Variants in HSH2D observed in about 807,000 individuals in gnomAD.
HSH2D encodes hematopoietic SH2 domain-containing protein.
In HSH2D, 16 loss-of-function variants were observed where a neutral mutation model predicts 21.5. The observed-to-expected ratio is 0.74, with a 90% confidence interval of 0.50 to 1.13. The LOEUF (loss-of-function observed/expected upper bound fraction) is 1.13, where lower values mean the gene tolerates loss of function less well. Ranked by LOEUF, HSH2D falls within the 50% of genes most tolerant of loss-of-function variation. The pLI is 0.00. For missense variants in HSH2D, 418 were observed against 441.4 expected (o/e 0.95, Z 0.47); for synonymous variants, 172 against 184.7 (o/e 0.93, Z 0.56).
intron 1 of HSH2D, among the ~76,000 whole-genome samples, chr19:16,148,204 A>T (rs551131773): frequency 6.1e-4 from 93 of 152,172 alleles, no homozygotes; most frequent in South Asian, 1.0e-3. Flanking sequence ...GCTGGAGCAC[A>T]GTGGCATGAT....
intron 1 of HSH2D, among the ~76,000 whole-genome samples, chr19:16,137,576 CAAAA>C (rs78977060): frequency 2.0e-5 from 2 of 102,462 alleles, no homozygotes; most frequent in Non-Finnish European, 4.2e-5. Flanking sequence ...GACTCCGTCT[CAAAA>C]AAAAAAAAAA....
chr19:16,140,283 A>G (rs890182577), upstream of HSH2D, among the ~76,000 whole-genome samples: 53 of 152,120 alleles, frequency 3.5e-4, no homozygotes, highest in African/African-American at 1.1e-3. Flanking sequence ...AGCCTGGGCA[A>G]CAGAACAAGA....
intron 1 of HSH2D, among the ~76,000 whole-genome samples, chr19:16,146,297 C>T (rs1331726403): frequency 6.6e-6 from 1 of 152,082 alleles, no homozygotes; most frequent in Admixed American, 6.6e-5. Flanking sequence ...TCTGACATAT[C>T]GTAGGTGTGC....
chr19:16,143,801 C>G (rs927917197), intron 1 of HSH2D, 27 bp downstream of exon 1: 1 of 426,144 alleles, frequency 2.3e-6, no homozygotes, highest in Non-Finnish European at 4.8e-6. Flanking sequence ...CCTCAGCCCT[C>G]GAGGAGACAG....
At chr19:16,141,945 G>A (rs1013302265), upstream of HSH2D, 1 of 151,924 alleles carries the variant, frequency 6.6e-6, no homozygotes, top group African/African-American at 2.4e-5. Flanking sequence ...AATTAGTCAG[G>A]TGTGGTGGTG....
At position 16,157,627 on chromosome 19, in the gene HSH2D, A is replaced by G; in HGVS notation, c.892A>G (p.Ser298Gly). The G allele has an allele frequency of 6.2e-7, 1 of 1,613,864 alleles. No individual in the cohort carries two copies. Among genetic ancestry groups the G allele is most frequent in the East Asian group, 2.2e-5 (1 of 44,868 alleles). Reference sequence around the variant, plus strand: ...CACCAGGAAGGCCGAGAGGTCGGTCAGCTGCATTGAGGTGACCCCAGGGGA... The same window carrying G: ...CACCAGGAAGGCCGAGAGGTCGGTCGGCTGCATTGAGGTGACCCCAGGGGA... Reference protein sequence around the residue: ...VPTRKAERSVSCIEVTPGDRS... With the variant: ...VPTRKAERSVGCIEVTPGDRS... Residue 298 changes from serine (S) to glycine (G), a missense_variant, in exon 6 of 6, where the codon AGC becomes GGC. Ser to Gly is a moderately conservative substitution (Grantham distance 56, BLOSUM62 0). Coordinates refer to ENST00000613986, the MANE Select transcript of HSH2D (RefSeq NM_001382417.1). This position sits in a 1 kb window ranked among gnomAD's most constrained non-coding sequence, Gnocchi z 4.4.
intron 5 of HSH2D, among the ~76,000 whole-genome samples, chr19:16,155,277 A>T (rs1237563215): frequency 6.6e-6 from 1 of 151,426 alleles, no homozygotes; most frequent in Non-Finnish European, 1.5e-5. Context: ...TGGGGGGTGC[A>T]AGTGGGGGAA....
Position 16,157,234 on chromosome 19 carries a change from C to A in HSH2D, c.499C>A (p.His167Asn). ...EEASPKPVLCHQSKERKPSAE... is the reference protein window; with the variant it reads ...EEASPKPVLCNQSKERKPSAE... ...GGCCTCCCCAAAGCCAGTCCTGTGTCACCAATCAAAGGAAAGGAAGCCGTC... is the reference window on the plus strand; with the variant it reads ...GGCCTCCCCAAAGCCAGTCCTGTGTAACCAATCAAAGGAAAGGAAGCCGTC... The change falls in exon 6 of 6, where the codon CAC (histidine) becomes AAC (asparagine). Residue 167 changes from histidine (H) to asparagine (N), a missense_variant. Coordinates refer to ENST00000613986, the MANE Select transcript of HSH2D (RefSeq NM_001382417.1). This position sits in a 1 kb window ranked among gnomAD's most constrained non-coding sequence, Gnocchi z 4.4. The A allele has an allele frequency of 6.4e-7, 1 of 1,561,756 alleles. No homozygotes were observed. The highest frequency in any genetic ancestry group is 2.0e-5 in the Admixed American group (1 of 50,704).
At chr19:16,156,213 A>G (rs1012663928) in intron 5 of HSH2D, among the ~76,000 whole-genome samples, 2 of 152,006 alleles carry the variant, frequency 1.3e-5, no homozygotes, top group African/African-American at 4.8e-5. Context: ...TTAGCCAGGC[A>G]TGGTGGCGCA....
upstream of HSH2D, among the ~76,000 whole-genome samples, chr19:16,142,956 A>G (rs1418978961): frequency 6.7e-6 from 1 of 149,562 alleles, no homozygotes; most frequent in Admixed American, 6.7e-5. Flanking sequence ...TTTAGTAGAG[A>G]CAGGGTTTTA....
intron 2 of HSH2D, among the ~76,000 whole-genome samples, chr19:16,152,234 A>G (rs949183193): frequency 6.6e-6 from 1 of 151,586 alleles, no homozygotes; most frequent in Non-Finnish European, 1.5e-5. Flanking sequence ...TGGCTAACAC[A>G]GTGAAACCCC....
intron 1 of HSH2D, among the ~76,000 whole-genome samples, chr19:16,137,544 T>G (rs2090972149): frequency 6.9e-6 from 1 of 144,678 alleles, no homozygotes; most frequent in Non-Finnish European, 1.5e-5. Flanking sequence ...GCCACTGCAC[T>G]CCAGCCTGGG....
chr19:16,151,765 G>GAAAAAAAAAAAAAA (rs746775825), intron 2 of HSH2D, among the ~76,000 whole-genome samples: 1 of 61,318 alleles, frequency 1.6e-5, no homozygotes, highest in African/African-American at 5.8e-5. Flanking sequence ...TGCCACAGCT[G>GAAAAAAAAAAAAAA]AAAAAAAAAA....
chr19:16,135,158 A>C (rs1242187978), intron 1 of HSH2D, among the ~76,000 whole-genome samples: 2 of 151,980 alleles, frequency 1.3e-5, no homozygotes, highest in Non-Finnish European at 2.9e-5. Flanking sequence ...TGTAGTCCCA[A>C]CTACTCAGGA....
At chr19:16,154,352 C>T in intron 4 of HSH2D, 47 bp from the exon 5 acceptor site, 3 of 1,368,494 alleles carry the variant, frequency 2.2e-6, no homozygotes, top group Non-Finnish European at 3.0e-6. Context: ...CGTGCAGGAC[C>T]TTTCCCCCTC....
upstream of HSH2D, chr19:16,139,845 G>C (rs948775735): frequency 3.9e-5 from 6 of 152,280 alleles, no homozygotes; most frequent in Admixed American, 3.9e-4. Context: ...GGGCACCTTC[G>C]TTTTCCCCTC....
chr19:16,157,092 A>G lies in HSH2D; in HGVS notation c.475-118A>G. The G allele has an allele frequency of 1.3e-6, 1 of 757,002 alleles. No individual in the cohort carries two copies. Among genetic ancestry groups the G allele is most frequent in the Non-Finnish European group, 2.1e-6 (1 of 484,432 alleles). The allele number at this position is 757,002 out of a possible 1,614,324, so 46.9% of individuals were successfully genotyped here. ...GGCATGGGATCAGGTTTGGGGGTTCACACGGGGACGTTTCTCAGCCACAGG... is the reference window on the plus strand; with the variant it reads ...GGCATGGGATCAGGTTTGGGGGTTCGCACGGGGACGTTTCTCAGCCACAGG... On this transcript the variant is annotated intron_variant, in intron 5 of 5. Transcript: ENST00000613986. The surrounding 1 kb of genome is among the most constrained non-coding windows in gnomAD (Gnocchi z 4.4).
intron 2 of HSH2D, among the ~76,000 whole-genome samples, chr19:16,149,215 C>T (rs1047683686): frequency 1.3e-4 from 20 of 152,198 alleles, no homozygotes; most frequent in South Asian, 4.1e-4. Context: ...TTCTCTCTTT[C>T]TTTTTGAGAC....
At position 16,153,216 on chromosome 19, in the gene HSH2D, C is replaced by T. The variant is rs781347192; in HGVS notation, c.381+8C>T. ...ACACAGCCCTGCAGGCAGGTGAGGGCGGGGACCCACAAGGTTCACAGCCAT... is the reference window on the plus strand; with the variant it reads ...ACACAGCCCTGCAGGCAGGTGAGGGTGGGGACCCACAAGGTTCACAGCCAT... On this transcript the variant is annotated splice_region_variant and intron_variant, in intron 4 of 5. Coordinates refer to ENST00000613986, the MANE Select transcript of HSH2D (RefSeq NM_001382417.1). 18 of 1,512,220 alleles carry T rather than the reference C, an allele frequency of 1.2e-5. No individual in the cohort carries two copies. Among genetic ancestry groups the T allele is most frequent in the South Asian group, 5.1e-5 (4 of 78,778 alleles). 93.7% of individuals were successfully genotyped at this position (1,512,220 alleles called of 1,614,324 possible).
Sources: gnomAD v4.1 joint callset for allele counts (sites outside exome capture counted in the v4.1 genomes callset) on GRCh38, gnomAD v4.1.1 for gene constraint, Gnocchi (gnomAD v3.1) non-coding constraint, MANE v1.5 for transcripts, NCBI Gene and HGNC (gene_info 2026-07-23, HGNC 2026-07-21) for gene names.